Variants in AFAP1L2 observed in about 807,000 individuals in gnomAD.
The protein encoded by AFAP1L2 is actin filament associated protein 1 like 2, also known as actin filament-associated protein 1-like 2.
Under a neutral mutation model 99.3 loss-of-function variants are expected in AFAP1L2, and 46 were observed. The ratio of observed to expected loss-of-function variants is 0.46; its 90% CI spans 0.37 to 0.59. The LOEUF (loss-of-function observed/expected upper bound fraction) is 0.59. Ranked by LOEUF, AFAP1L2 falls within the 20% of genes least tolerant of loss-of-function variation. AFAP1L2 has a pLI of 0.00. For missense variants in AFAP1L2, 959 were observed against 1,034.9 expected (o/e 0.93, Z 1.01); for synonymous variants, 397 against 419.1 (o/e 0.95, Z 0.64).
intron 5 of AFAP1L2, among the ~76,000 whole-genome samples, chr10:114,319,206 T>G (rs1038274311): frequency 7.9e-5 from 12 of 152,046 alleles, no homozygotes; most frequent in Non-Finnish European, 5.9e-5. Context: ...GATACTTGGC[T>G]TCTAGGAGGG....
At chr10:114,396,761 T>C (rs535884385) in intron 1 of AFAP1L2, among the ~76,000 whole-genome samples, 2 of 152,348 alleles carry the variant, frequency 1.3e-5, no homozygotes, top group South Asian at 4.1e-4. Flanking sequence ...CTAATGCTCT[T>C]ATATTCCATG....
At chr10:114,286,484 G>A in the AFAP1L2 span, 1 of 1,588,152 alleles carries the variant, frequency 6.3e-7, no homozygotes, top group Non-Finnish European at 8.6e-7. Context: ...TGAGCTGCAG[G>A]GGAAGCTGTG....
At chr10:114,318,239 A>T (rs1860082) in intron 5 of AFAP1L2, among the ~76,000 whole-genome samples, 110,665 of 152,160 alleles carry the variant, frequency 0.73, 41,970 homozygotes, top group East Asian at 0.93. Context: ...TCATTGGGAT[A>T]CTTCCTTCAG....
intron 1 of AFAP1L2, among the ~76,000 whole-genome samples, chr10:114,378,429 T>C (rs138907153): frequency 6.6e-6 from 1 of 152,336 alleles, no homozygotes; most frequent in East Asian, 1.9e-4. Context: ...GATAAGCTGA[T>C]ACACTTCCCA....
At chr10:114,370,110 C>T (rs898403743) in intron 1 of AFAP1L2, among the ~76,000 whole-genome samples, 3 of 152,178 alleles carry the variant, frequency 2.0e-5, no homozygotes, top group Admixed American at 6.5e-5. Context: ...TTCTCCAATT[C>T]CAAAATACTC....
rs571102256 is a variant in AFAP1L2 at position 114,307,728 on chromosome 10, G to A, written c.1072+77C>T. 655 of 1,253,632 alleles carry A rather than the reference G, an allele frequency of 5.2e-4. 1 individual carries two copies. The highest frequency in any genetic ancestry group is 6.5e-4 in the Non-Finnish European group (558 of 858,954). 77.7% of individuals were successfully genotyped at this position (1,253,632 alleles called of 1,614,324 possible). On this transcript the variant is annotated intron_variant, in intron 10 of 18. Transcript: ENST00000304129. ...GGAAGACCTAAAACCCCCTGCCTTCGCTGTCTGAGCTCGCCTTCCTGCAGG... is the reference window on the plus strand; with the variant it reads ...GGAAGACCTAAAACCCCCTGCCTTCACTGTCTGAGCTCGCCTTCCTGCAGG...
chr10:114,301,708 G>A (rs893191049), intron 12 of AFAP1L2: 14 of 535,382 alleles, frequency 2.6e-5, no homozygotes, highest in Non-Finnish European at 3.7e-5. Flanking sequence ...TTGCCCATAC[G>A]CCTCGTCCTA....
intron 1 of AFAP1L2, among the ~76,000 whole-genome samples, chr10:114,392,958 G>A (rs1211415376): frequency 6.6e-6 from 1 of 152,120 alleles, no homozygotes; most frequent in Non-Finnish European, 1.5e-5. Context: ...TAGGTAAATA[G>A]CTTTAAGAAA....
chr10:114,297,505 C>T (rs917328392), intron 16 of AFAP1L2, 92 bp from the exon 17 acceptor site: 2 of 1,353,270 alleles, frequency 1.5e-6, no homozygotes, highest in Admixed American at 2.1e-5. Context: ...CATACCCCGC[C>T]ACCCGAGAAG....
chr10:114,302,136 G>C (rs2041303235), intron 12 of AFAP1L2: 6 of 735,146 alleles, frequency 8.2e-6, no homozygotes, highest in Admixed American at 2.7e-5. Flanking sequence ...CCCGAAGCCT[G>C]GCTCGGCTCC....
At chr10:114,317,242 G>A (rs956089175) in intron 5 of AFAP1L2, among the ~76,000 whole-genome samples, 11 of 149,622 alleles carry the variant, frequency 7.4e-5, no homozygotes, top group Non-Finnish European at 1.0e-4. Context: ...TCTAGCAACA[G>A]TGCCAGTGAA....
chr10:114,386,245 AG>A (rs937761253), intron 1 of AFAP1L2, among the ~76,000 whole-genome samples: 1 of 152,106 alleles, frequency 6.6e-6, no homozygotes, highest in African/African-American at 2.4e-5. Flanking sequence ...TGAAATAAAA[AG>A]GAAAAGGAAC....
intron 1 of AFAP1L2, chr10:114,398,817 C>A (rs1590892041): frequency 7.7e-7 from 1 of 1,303,868 alleles, no homozygotes; most frequent in Non-Finnish European, 1.0e-6. Context: ...GCCAGGTGAG[C>A]TGCTGCAGAG....
chr10:114,326,574 A>C lies in AFAP1L2; in HGVS notation c.316-3313T>G, dbSNP rs117799365. ...TTTGGTCAGAATAAACTCTCTACTT[A>C]TATTTATTTTGTCTCCGTTTTTTGC... On this transcript the variant is annotated intron_variant, in intron 4 of 18. Coordinates refer to ENST00000304129, the MANE Select transcript of AFAP1L2 (RefSeq NM_001001936.3). Among the ~76,000 whole-genome samples the C allele has an allele frequency of 8.0e-4, 121 of 152,198 alleles. 3 individuals are homozygous for C. In the East Asian group the frequency reaches 0.018, roughly 22 times the overall value.
chr10:114,366,902 C>T (rs780493012), intron 1 of AFAP1L2, among the ~76,000 whole-genome samples: 1 of 152,100 alleles, frequency 6.6e-6, no homozygotes, highest in Non-Finnish European at 1.5e-5. Flanking sequence ...CAGGAGGTGG[C>T]GGTGCAGTGA....
intron 4 of AFAP1L2, among the ~76,000 whole-genome samples, chr10:114,327,003 G>A (rs2046379974): frequency 6.6e-6 from 1 of 150,744 alleles, no homozygotes; most frequent in African/African-American, 2.4e-5. Flanking sequence ...TGGGTTAAAT[G>A]ATGAGTCACA....
chr10:114,377,346 GA>G lies in AFAP1L2; in HGVS notation c.16+27093del, dbSNP rs1395138273. Among the ~76,000 whole-genome samples the G allele has an allele frequency of 6.6e-6, 1 of 152,204 alleles. No individual in the cohort carries two copies. The highest frequency in any genetic ancestry group is 2.4e-5 in the African/African-American group (1 of 41,452). Reference sequence around the variant, plus strand: ...CCAAGGCAAGAATCAAATGTGGCTTGAAGCATGATTTAGAAACTAGATGACT... The same window carrying G: ...CCAAGGCAAGAATCAAATGTGGCTTGAGCATGATTTAGAAACTAGATGACT... On this transcript the variant is annotated intron_variant, in intron 1 of 18. Transcript: ENST00000304129. The surrounding 1 kb of genome is among the most constrained non-coding windows in gnomAD (Gnocchi z 4.0).
In AFAP1L2 at chr10:114,308,491, C is replaced by T. The variant is rs1277073301; in HGVS notation, c.909G>A (p.Ser303=). The T allele has an allele frequency of 1.2e-5, 20 of 1,614,004 alleles. No homozygotes were observed. Among genetic ancestry groups the T allele is most frequent in the East Asian group, 6.7e-5 (3 of 44,886 alleles). ...QKPDIAEKYL[S]ASEYGSSVDG... ...CCACGGAGCTCCCATACTCTGAAGCCGACAGGTACTTCTCAGCTATATCTG... is the reference window on the plus strand; with the variant it reads ...CCACGGAGCTCCCATACTCTGAAGCTGACAGGTACTTCTCAGCTATATCTG... The change falls in exon 9 of 19, where the codon TCG becomes TCA. Residue 303 remains serine, a synonymous_variant. Coordinates refer to ENST00000304129, the MANE Select transcript of AFAP1L2 (RefSeq NM_001001936.3).
At position 114,297,062 on chromosome 10, in the gene AFAP1L2, G is replaced by C; in HGVS notation, c.2346C>G (p.Thr782=). 1 of 1,614,190 alleles carries C rather than the reference G, an allele frequency of 6.2e-7. No individual in the cohort carries two copies. Among genetic ancestry groups the C allele is most frequent in the African/African-American group, 1.3e-5 (1 of 75,062 alleles). Residue 782 remains threonine, a synonymous_variant, in exon 18 of 19, where the codon ACC becomes ACG. Coordinates refer to ENST00000304129, the MANE Select transcript of AFAP1L2 (RefSeq NM_001001936.3). ...TGAGTGTGGTTGCAGAGTTGACTGG[G>C]GTACAGTCTGGGGCAGAGGCAGGTG... ...AVTPASAPDC[T]PVNSATTLKN... is the part of the protein sequence containing the mutation.
Sources: gnomAD v4.1 joint callset for allele counts (sites outside exome capture counted in the v4.1 genomes callset) on GRCh38, gnomAD v4.1.1 for gene constraint, Gnocchi (gnomAD v3.1) non-coding constraint, MANE v1.5 for transcripts, NCBI Gene and HGNC (gene_info 2026-07-23, HGNC 2026-07-21) for gene names.